Variants in CDKAL1 observed in about 807,000 individuals in gnomAD.
CDKAL1 encodes the protein CDKAL1 threonylcarbamoyladenosine tRNA methylthiotransferase.
In CDKAL1, 32 loss-of-function variants were observed where a neutral mutation model predicts 68.2. The observed-to-expected ratio is 0.47, with a 90% CI of 0.35 to 0.63. The LOEUF is 0.63. CDKAL1 is among the 30% of genes least tolerant of loss of function. The pLI is 0.00. For missense variants in CDKAL1, 606 were observed against 696.7 expected, an observed-to-expected ratio of 0.87 and a Z score of 1.47; for synonymous variants, 234 against 244.3, an observed-to-expected ratio of 0.96 and a Z score of 0.39.
Position 20,546,484 on chromosome 6 carries a change from A to G in CDKAL1, c.134A>G (p.Lys45Arg). Residue 45 changes from lysine to arginine, a missense_variant, in exon 3 of 16, where the codon AAA (lysine) becomes AGA (arginine). Coordinates refer to ENST00000274695, the MANE Select transcript of CDKAL1 (RefSeq NM_017774.3). ...AAGGTACGAAGGCGAAATACCCAAA[A>G]ATATTTGCAAGAGGAAGAAAACAGT... ...VPKVRRRNTQKYLQEEENSPP... is the reference protein window; with the variant it reads ...VPKVRRRNTQRYLQEEENSPP... 1.2e-6 allele frequency: 2 copies of G among 1,614,138 alleles called. No individual in the cohort carries two copies. Among genetic ancestry groups the G allele is most frequent in the Non-Finnish European group, 1.7e-6 (2 of 1,180,008 alleles).
chr6:20,568,447 A>G (rs924637279), intron 4 of CDKAL1, among the ~76,000 whole-genome samples: 2 of 151,912 alleles, frequency 1.3e-5, no homozygotes, highest in African/African-American at 4.8e-5. Context: ...TATATTAAGA[A>G]ATGTGGGCCT....
intron 13 of CDKAL1, among the ~76,000 whole-genome samples, chr6:21,155,808 T>C (rs1437380289): frequency 6.6e-6 from 1 of 152,162 alleles, no homozygotes; most frequent in Non-Finnish European, 1.5e-5. Context: ...TGTCCAGGCC[T>C]TCCAAATGTG....
intron 13 of CDKAL1, among the ~76,000 whole-genome samples, chr6:21,169,363 A>C (rs1277719021): frequency 6.6e-6 from 1 of 152,202 alleles, no homozygotes; most frequent in East Asian, 1.9e-4. Flanking sequence ...TGGCTGACAC[A>C]GTGGCTTATG....
At chr6:20,646,048 A>ATTTTTTTTTTTTTTTTTTTT (rs1171622769) in intron 4 of CDKAL1, among the ~76,000 whole-genome samples, 1 of 87,364 alleles carries the variant, frequency 1.1e-5, no homozygotes. Flanking sequence ...TCACGGTTAA[A>ATTTTTTTTTTTTTTTTTTTT]TTTTTTTTTT....
At chr6:21,194,885 T>A (rs1338065342) in intron 13 of CDKAL1, among the ~76,000 whole-genome samples, 1 of 152,166 alleles carries the variant, frequency 6.6e-6, no homozygotes, top group Non-Finnish European at 1.5e-5. Context: ...TGTATTTGAT[T>A]TTCACTTCAG....
At chr6:20,859,306 G>GA (rs112918017) in intron 9 of CDKAL1, among the ~76,000 whole-genome samples, 6 of 151,266 alleles carry the variant, frequency 4.0e-5, no homozygotes, top group African/African-American at 1.5e-4. Context: ...AAAAAAAAAA[G>GA]AAAAAAAATG....
At chr6:20,906,246 T>A (rs969457155) in intron 9 of CDKAL1, among the ~76,000 whole-genome samples, 3 of 152,252 alleles carry the variant, frequency 2.0e-5, no homozygotes, top group South Asian at 2.1e-4. Flanking sequence ...TTTTTTTTTT[T>A]AATTTATGTT....
chr6:21,130,639 A>T (rs6937439), intron 13 of CDKAL1, among the ~76,000 whole-genome samples: 1 of 152,078 alleles, frequency 6.6e-6, no homozygotes, highest in Non-Finnish European at 1.5e-5. Flanking sequence ...TAGTGGTACA[A>T]TATCACACAA....
chr6:20,894,390 A>C (rs920211206), intron 9 of CDKAL1, among the ~76,000 whole-genome samples: 4 of 58,648 alleles, frequency 6.8e-5, no homozygotes, highest in Non-Finnish European at 1.2e-4. Context: ...CACCCCACAT[A>C]CTTTTTTTTT....
intron 12 of CDKAL1, among the ~76,000 whole-genome samples, chr6:21,090,784 A>G (rs901125290): frequency 6.7e-6 from 1 of 149,810 alleles, no homozygotes; most frequent in African/African-American, 2.5e-5. Context: ...TTGTAAGTAT[A>G]CTAACAATTT....
At chr6:20,623,170 T>G (rs6456362) in intron 4 of CDKAL1, among the ~76,000 whole-genome samples, 73,627 of 151,256 alleles carry the variant, frequency 0.49, 18,003 homozygotes, top group East Asian at 0.63. Flanking sequence ...TTTGGTCAAA[T>G]TTGGTTGTTG....
Position 21,231,051 on chromosome 6 carries a change from T to C in CDKAL1, c.*12T>C. ...AGGTCTATAATTAGAATACAACTAA[T>C]GGAAACATCTATAAAGAAGAATACA... On this transcript the variant is annotated 3_prime_UTR_variant, in exon 16 of 16. Coordinates refer to ENST00000274695, the MANE Select transcript of CDKAL1 (RefSeq NM_017774.3). The C allele has an allele frequency of 6.4e-7, 1 of 1,562,100 alleles. No individual in the cohort carries two copies. Among genetic ancestry groups the C allele is most frequent in the Non-Finnish European group, 8.8e-7 (1 of 1,142,792 alleles).
intron 13 of CDKAL1, among the ~76,000 whole-genome samples, chr6:21,114,062 C>T (rs1176253860): frequency 2.0e-5 from 3 of 151,174 alleles, no homozygotes; most frequent in Non-Finnish European, 1.5e-5. Flanking sequence ...TCCTGGCTAA[C>T]GCAGTGAAAC....
intron 7 of CDKAL1, among the ~76,000 whole-genome samples, chr6:20,760,927 A>AT (rs1415931840): frequency 6.6e-6 from 1 of 152,182 alleles, no homozygotes; most frequent in Non-Finnish European, 1.5e-5. Context: ...TAAGTTGAAA[A>AT]TTTTTTGCTC....
intron 10 of CDKAL1, among the ~76,000 whole-genome samples, chr6:20,992,142 C>T (rs1766855817): frequency 2.0e-5 from 3 of 147,988 alleles, no homozygotes; most frequent in Admixed American, 6.8e-5. Context: ...ATTCTTGTGC[C>T]TCAGCCTCCT....
intron 10 of CDKAL1, among the ~76,000 whole-genome samples, chr6:20,981,991 A>G (rs1310135817): frequency 6.6e-6 from 1 of 152,198 alleles, no homozygotes; most frequent in Non-Finnish European, 1.5e-5. Context: ...GAAACATTAA[A>G]AAGTCAGAGT....
chr6:21,033,236 A>G (rs1467241053), intron 11 of CDKAL1, among the ~76,000 whole-genome samples: 1 of 152,154 alleles, frequency 6.6e-6, no homozygotes, highest in East Asian at 1.9e-4. Context: ...TATTTTCCCA[A>G]TAGGATAAGG....
chr6:20,782,052 C>G (rs1034782746), intron 8 of CDKAL1, among the ~76,000 whole-genome samples: 14 of 152,190 alleles, frequency 9.2e-5, no homozygotes, highest in Admixed American at 2.6e-4. Flanking sequence ...TCTTCATGCT[C>G]CTTCTCATTG....
intron 8 of CDKAL1, among the ~76,000 whole-genome samples, chr6:20,811,342 A>G (rs895681015): frequency 6.6e-6 from 1 of 152,182 alleles, no homozygotes; most frequent in Non-Finnish European, 1.5e-5. Flanking sequence ...TACCAAGGAG[A>G]TAAATGTCGA....
Sources: gnomAD v4.1 joint callset for allele counts (sites outside exome capture counted in the v4.1 genomes callset) on GRCh38, gnomAD v4.1.1 for gene constraint, MANE v1.5 for transcripts, NCBI Gene and HGNC (gene_info 2026-07-23, HGNC 2026-07-21) for gene names.